LRRIQ1: variants seen among roughly 807,000 people sequenced by gnomAD.
LRRIQ1 encodes the protein leucine rich repeats and IQ motif containing 1, also known as leucine-rich repeat- and IQ domain-containing protein 1.
Under a neutral mutation model 211.9 loss-of-function variants are expected in LRRIQ1, and 210 were observed. The observed-to-expected ratio is 0.99, with a 90% CI of 0.89 to 1.11. The LOEUF (loss-of-function observed/expected upper bound fraction) is 1.11. Among genes scored for constraint, LRRIQ1 ranks in the 50% most tolerant of loss-of-function variants. LRRIQ1 has a pLI of 0.00. For missense variants in LRRIQ1, 2,136 were observed against 1,939.5 expected (o/e 1.10, Z -1.90); for synonymous variants, 699 against 650.1 (o/e 1.08, Z -1.14).
intron 25 of LRRIQ1, among the ~76,000 whole-genome samples, chr12:85,230,973 G>C (rs1265079951): frequency 2.0e-5 from 3 of 151,972 alleles, no homozygotes; most frequent in Non-Finnish European, 4.4e-5. Context: ...GCACGAACCC[G>C]GGAGGCGGAG....
At chr12:85,217,506 A>ATGTGTG (rs1375478660) in intron 24 of LRRIQ1, among the ~76,000 whole-genome samples, 58 of 69,844 alleles carry the variant, frequency 8.3e-4, no homozygotes, top group African/African-American at 1.2e-3. Context: ...ATATATATAT[A>ATGTGTG]TATGTGTGTG....
intron 13 of LRRIQ1, among the ~76,000 whole-genome samples, chr12:85,102,573 A>G (rs550138365): frequency 7.2e-5 from 11 of 151,790 alleles, no homozygotes; most frequent in African/African-American, 2.7e-4. Context: ...TCTCTCTGCT[A>G]ATGCTGAAAG....
In LRRIQ1 at chr12:85,082,366, T is replaced by C. The variant is rs754467063; in HGVS notation, c.2887+9268T>C. Among the ~76,000 whole-genome samples the C allele has an allele frequency of 8.5e-5, 13 of 152,208 alleles. No individual in the cohort carries two copies. The South Asian group carries it at 1.2e-3, about 15-fold the overall frequency. On this transcript the variant is annotated intron_variant, in intron 11 of 26. Transcript: ENST00000393217. ...GCGGTTATGCACCTTTACATTGATG[T>C]GTCTAGGCAGGGATTTGTTTTTGAT...
downstream of LRRIQ1, among the ~76,000 whole-genome samples, chr12:85,246,290 A>G (rs946022331): frequency 5.3e-5 from 8 of 151,098 alleles, no homozygotes; most frequent in African/African-American, 1.9e-4. Flanking sequence ...AGTTTTTAAC[A>G]TAATGTACTA....
At chr12:85,054,584 T>C (rs1469155871) in intron 7 of LRRIQ1, among the ~76,000 whole-genome samples, 1 of 152,192 alleles carries the variant, frequency 6.6e-6, no homozygotes, top group Non-Finnish European at 1.5e-5. Flanking sequence ...GTGTTAATCT[T>C]CTTTACCTCC....
chr12:85,206,738 AC>A, intron 24 of LRRIQ1, among the ~76,000 whole-genome samples: 1 of 151,990 alleles, frequency 6.6e-6, no homozygotes, highest in Non-Finnish European at 1.5e-5. Flanking sequence ...TATGATGCAG[AC>A]CCCAGGAGGC....
At chr12:85,243,697 TATAA>T (rs1895579077) in intron 26 of LRRIQ1, among the ~76,000 whole-genome samples, 1 of 151,320 alleles carries the variant, frequency 6.6e-6, no homozygotes, top group Non-Finnish European at 1.5e-5. Flanking sequence ...ACAGGGAAAA[TATAA>T]ATAAATTTGG....
Position 85,098,983 on chromosome 12 carries a change from C to T in LRRIQ1, c.3198C>T (p.Ile1066=), listed in dbSNP as rs1317380834. The T allele has an allele frequency of 6.4e-7, 1 of 1,553,724 alleles. No individual in the cohort carries two copies. Among genetic ancestry groups the T allele is most frequent in the African/African-American group, 1.4e-5 (1 of 72,266 alleles). ...TGCCTTTACTACAAAATATTACTAT[C>T]TCTCAAAACAGGTAAAAGCATACTT... ...YWLPLLQNIT[I]SQNSLTKIVP... is the part of the protein sequence containing the mutation. The change falls in exon 13 of 27, where the codon ATC becomes ATT. Residue 1066 remains isoleucine, a synonymous_variant. Transcript: ENST00000393217.
At chr12:85,046,716 G>A (rs765391578) in intron 5 of LRRIQ1, among the ~76,000 whole-genome samples, 165 of 151,952 alleles carry the variant, frequency 1.1e-3, no homozygotes, top group Non-Finnish European at 1.5e-3. Context: ...TGTTTATTGC[G>A]GCACTATTCA....
intron 10 of LRRIQ1, among the ~76,000 whole-genome samples, chr12:85,067,469 T>C (rs748919328): frequency 3.9e-5 from 6 of 151,948 alleles, no homozygotes; most frequent in Non-Finnish European, 7.4e-5. Flanking sequence ...AAAATCTCTT[T>C]TCTTACTTAA....
downstream of LRRIQ1, among the ~76,000 whole-genome samples, chr12:85,264,907 G>GT (rs1896390300): frequency 1.3e-5 from 2 of 151,984 alleles, no homozygotes; most frequent in African/African-American, 4.8e-5. Flanking sequence ...TCCCACTGAT[G>GT]TAACACTTAT....
At chr12:85,099,965 A>G (rs1264125022) in intron 13 of LRRIQ1, among the ~76,000 whole-genome samples, 3 of 151,970 alleles carry the variant, frequency 2.0e-5, no homozygotes, top group Non-Finnish European at 3.0e-5. Context: ...ACTTGAATTT[A>G]AAAGGACATT....
Position 85,082,264 on chromosome 12 carries a change from A to G in LRRIQ1, c.2887+9166A>G, listed in dbSNP as rs187677417. 1.6e-4 allele frequency among the ~76,000 whole-genome samples: 25 copies of G among 152,262 alleles called. 1 individual carries two copies. The East Asian group carries it at 4.6e-3, about 28-fold the overall frequency. ...TATTAACTTTTACTTTCACCAATGC[A>G]GTTAAGAATGCTATCGGTTATTTTT... On this transcript the variant is annotated intron_variant, in intron 11 of 26. Coordinates refer to ENST00000393217, the MANE Select transcript of LRRIQ1 (RefSeq NM_001079910.2).
chr12:85,245,129 G>T, downstream of LRRIQ1: 1 of 1,022,506 alleles, frequency 9.8e-7, no homozygotes, highest in Non-Finnish European at 1.3e-6. Context: ...TATTTTAATT[G>T]TATTTGGGGC....
intron 17 of LRRIQ1, among the ~76,000 whole-genome samples, chr12:85,127,353 A>G (rs1488080380): frequency 6.6e-6 from 1 of 152,156 alleles, no homozygotes; most frequent in Non-Finnish European, 1.5e-5. Context: ...GGCAGAGAAG[A>G]AAGTGAAGCT....
At chr12:85,053,059 G>A (rs776404349) in intron 7 of LRRIQ1, among the ~76,000 whole-genome samples, 1 of 151,960 alleles carries the variant, frequency 6.6e-6, no homozygotes, top group Non-Finnish European at 1.5e-5. Context: ...AAAATTTAGT[G>A]GGTGAATTTG....
chr12:85,038,427 A>G (rs1299674355), intron 2 of LRRIQ1, 119 bp downstream of exon 2: 9 of 520,848 alleles, frequency 1.7e-5, no homozygotes, highest in Non-Finnish European at 2.0e-5. Flanking sequence ...AACAATTTAT[A>G]TAAATATAAA....
At chr12:85,123,895 T>G (rs2136440971) in intron 16 of LRRIQ1, among the ~76,000 whole-genome samples, 175 bp from the exon 17 acceptor site, 1 of 152,232 alleles carries the variant, frequency 6.6e-6, no homozygotes, top group Non-Finnish European at 1.5e-5. Flanking sequence ...GTTTTCAAAT[T>G]TTGTTATAAA....
At chr12:85,170,212 A>G (rs1347026770) in intron 24 of LRRIQ1, among the ~76,000 whole-genome samples, 2 of 151,740 alleles carry the variant, frequency 1.3e-5, no homozygotes, top group Admixed American at 6.6e-5. Context: ...TAATTCTGCC[A>G]TAATTGAATA....
Sources: allele counts gnomAD v4.1 joint callset (sites outside exome capture counted in the v4.1 genomes callset), GRCh38; gene constraint gnomAD v4.1.1; transcripts MANE v1.5; gene names NCBI Gene and HGNC (gene_info 2026-07-23, HGNC 2026-07-21).